Variants in GRAMD1B observed in about 807,000 individuals in gnomAD.
The protein encoded by GRAMD1B is protein Aster-B.
In GRAMD1B, 37 loss-of-function variants were observed where a neutral mutation model predicts 99.7. The observed-to-expected ratio is 0.37, with a 90% CI of 0.29 to 0.49. The LOEUF (loss-of-function observed/expected upper bound fraction) is 0.49, where lower values mean the gene tolerates loss of function less well. Ranked by LOEUF, GRAMD1B falls within the 20% of genes least tolerant of loss-of-function variation. GRAMD1B has a pLI of 0.98. For synonymous variants in GRAMD1B, 427 were observed against 387.6 expected (o/e 1.10, Z -1.19); for missense variants, 888 against 1,009.2 (o/e 0.88, Z 1.63).
intron 2 of GRAMD1B, among the ~76,000 whole-genome samples, chr11:123,543,340 T>C (rs1413557806): frequency 6.6e-6 from 1 of 152,190 alleles, no homozygotes; most frequent in East Asian, 1.9e-4. Flanking sequence ...CTTTCTGAGA[T>C]GTGTAGCTGT....
At position 123,402,313 on chromosome 11, in the gene GRAMD1B, G is replaced by A. The variant is rs150404215; in HGVS notation, c.-176+43514G>A. Among the ~76,000 whole-genome samples, 235 of 152,276 alleles carry A rather than the reference G, an allele frequency of 1.5e-3. 1 individual carries two copies. Among genetic ancestry groups the A allele is most frequent in the African/African-American group, 5.4e-3 (223 of 41,556 alleles). On this transcript the variant is annotated intron_variant, in intron 1 of 20. Coordinates refer to the GRAMD1B transcript ENST00000638157. ...ATTACAGGTACGAGCCACCACGCCC[G>A]GCCAAGGACCATGTTCTTGCATTCT... is the stretch of plus-strand genomic sequence containing the variant.
In GRAMD1B at chr11:123,492,804, T is replaced by C. The variant is rs550852852; in HGVS notation, c.452+11911T>C. On this transcript the variant is annotated intron_variant, in intron 2 of 19. Coordinates refer to ENST00000635736, the MANE Select transcript of GRAMD1B (RefSeq NM_001387025.1). This position sits in a 1 kb window ranked among gnomAD's most constrained non-coding sequence, Gnocchi z 4.2. ...ATGGATTTCAGAGGTAGGGAGAGGC[T>C]AGAGGCAGTAGGTGGCTTAACCTCA... 1.3e-5 allele frequency among the ~76,000 whole-genome samples: 2 copies of C among 151,524 alleles called. No homozygotes were observed. The highest frequency in any genetic ancestry group is 4.9e-5 in the African/African-American group (2 of 41,186).
intron 2 of GRAMD1B, among the ~76,000 whole-genome samples, chr11:123,506,396 T>TG (rs1188848732): frequency 2.0e-5 from 3 of 151,950 alleles, no homozygotes; most frequent in Admixed American, 2.0e-4. Flanking sequence ...GCATGTTTTT[T>TG]GTTTTTTTTT....
chr11:123,373,464 T>G (rs1168058467), intron 1 of GRAMD1B, among the ~76,000 whole-genome samples: 2 of 152,184 alleles, frequency 1.3e-5, no homozygotes, highest in African/African-American at 2.4e-5. Context: ...GTAGAAGTTC[T>G]CCCAAGTCAC....
At chr11:123,494,192 A>G (rs892010862) in intron 2 of GRAMD1B, among the ~76,000 whole-genome samples, 3 of 152,190 alleles carry the variant, frequency 2.0e-5, no homozygotes, top group African/African-American at 7.2e-5. Flanking sequence ...GAATAACCAT[A>G]TACGACTTTT....
At chr11:123,425,326 A>G (rs1351087600), upstream of GRAMD1B, among the ~76,000 whole-genome samples, 1 of 152,154 alleles carries the variant, frequency 6.6e-6, no homozygotes, top group Non-Finnish European at 1.5e-5. Context: ...TTTCCTTGGG[A>G]TGGGCAGCCA....
intron 1 of GRAMD1B, among the ~76,000 whole-genome samples, chr11:123,400,773 A>G (rs1947631819): frequency 6.6e-6 from 1 of 152,196 alleles, no homozygotes; most frequent in African/African-American, 2.4e-5. Context: ...ACAGGGAAAC[A>G]TAATATTCAG....
intron 1 of GRAMD1B, chr11:123,460,261 G>A (rs970915562): frequency 2.0e-5 from 3 of 152,236 alleles, no homozygotes; most frequent in African/African-American, 7.2e-5. Context: ...AAGACATGGA[G>A]TTTAATCCTG....
chr11:123,618,489 C>G (rs566430966), intron 17 of GRAMD1B: 6 of 872,122 alleles, frequency 6.9e-6, no homozygotes, highest in Non-Finnish European at 9.9e-6. Flanking sequence ...ATGCCCCTCT[C>G]CATGGCTCTC....
At chr11:123,519,978 G>T (rs936644164) in intron 2 of GRAMD1B, among the ~76,000 whole-genome samples, 8 of 152,240 alleles carry the variant, frequency 5.3e-5, no homozygotes, top group African/African-American at 1.9e-4. Context: ...ATGGCCCTGG[G>T]TGTCTGCAGG....
intron 5 of GRAMD1B, 128 bp from the exon 6 acceptor site, chr11:123,594,607 G>C: frequency 1.6e-6 from 1 of 644,056 alleles, no homozygotes; most frequent in Non-Finnish European, 2.8e-6. Context: ...CAAGTGTCTG[G>C]CACCCCTTGT....
At chr11:123,527,161 G>A (rs2846310) in intron 2 of GRAMD1B, among the ~76,000 whole-genome samples, 77,312 of 152,018 alleles carry the variant, frequency 0.51, 22,046 homozygotes, top group Non-Finnish European at 0.64. Context: ...CCTTCATTGC[G>A]GCTGGCTGTC....
rs1160382058 is a variant in GRAMD1B, at chr11:123,492,334, G to A, written c.452+11441G>A. On this transcript the variant is annotated intron_variant, in intron 2 of 19. Coordinates refer to ENST00000635736, the MANE Select transcript of GRAMD1B (RefSeq NM_001387025.1). This position sits in a 1 kb window ranked among gnomAD's most constrained non-coding sequence, Gnocchi z 4.2. The stretch of plus-strand genomic sequence containing the variant: ...ACAGGGGCGCTGGCGTCTCTGGGGT[G>A]TGGATCATTCTCTTCCACTTACAGA... Among the ~76,000 whole-genome samples the A allele has an allele frequency of 1.3e-5, 2 of 152,198 alleles. No individual in the cohort carries two copies. Among genetic ancestry groups the A allele is most frequent in the Admixed American group, 6.5e-5 (1 of 15,280 alleles).
intron 2 of GRAMD1B, among the ~76,000 whole-genome samples, chr11:123,523,275 T>C (rs1229106724): frequency 2.0e-5 from 3 of 152,178 alleles, no homozygotes; most frequent in Non-Finnish European, 4.4e-5. Flanking sequence ...GAGGTTGCAA[T>C]GAGCTGAGAT....
chr11:123,430,947 A>AT lies in GRAMD1B; in HGVS notation c.155_156insT (p.Gln52HisfsTer72). ...AAGATGCGCCGCATGAAGAACGTACAGGAGCAGAGCCTGGAGGCCGGGCTG... is the reference window on the plus strand; with the variant it reads ...AAGATGCGCCGCATGAAGAACGTACATGGAGCAGAGCCTGGAGGCCGGGCTG... On this transcript the variant is annotated frameshift_variant, in exon 1 of 20. Coordinates refer to ENST00000635736, the MANE Select transcript of GRAMD1B (RefSeq NM_001387025.1). 4.3e-6 allele frequency: 3 copies of AT among 702,804 alleles called. No homozygotes were observed. The highest frequency in any genetic ancestry group is 7.8e-6 in the Non-Finnish European group (3 of 384,874). 43.5% of individuals were successfully genotyped at this position (702,804 alleles called of 1,614,324 possible). A position where few individuals can be genotyped will look rare whatever the true frequency, so the allele number is the denominator to read the frequency against.
rs76892748 is a variant in GRAMD1B, at chr11:123,588,081, G to A, written c.684+3749G>A. Among the ~76,000 whole-genome samples, 449 of 146,604 alleles carry A rather than the reference G, an allele frequency of 3.1e-3. 5 individuals are homozygous for A. The highest frequency in any genetic ancestry group is 0.013 in the Admixed American group (183 of 14,412). On this transcript the variant is annotated intron_variant, in intron 4 of 19. Transcript: ENST00000635736. Reference sequence around the variant, plus strand: ...CCCTTTCCCTCCTTTGCTCAGTTACGTCCTCGTCTCCCGTCCCACTCTGCC... The same window carrying A: ...CCCTTTCCCTCCTTTGCTCAGTTACATCCTCGTCTCCCGTCCCACTCTGCC...
At chr11:123,368,275 A>AAAAAAAAAAAAAAAAAAAAAAAAAG (rs60644137) in intron 1 of GRAMD1B, among the ~76,000 whole-genome samples, 1 of 127,112 alleles carries the variant, frequency 7.9e-6, no homozygotes, top group African/African-American at 3.6e-5. Context: ...AAAAAAAAAA[A>AAAAAAAAAAAAAAAAAAAAAAAAAG]AAAGAAAGAA....
chr11:123,426,554 A>G (rs1198270478), upstream of GRAMD1B, among the ~76,000 whole-genome samples: 3 of 150,550 alleles, frequency 2.0e-5, no homozygotes, highest in East Asian at 5.8e-4. Flanking sequence ...TTCTATGCTC[A>G]CTGCCTGCTT....
At chr11:123,409,591 A>G (rs1161766994) in intron 1 of GRAMD1B, among the ~76,000 whole-genome samples, 2 of 152,118 alleles carry the variant, frequency 1.3e-5, no homozygotes, top group African/African-American at 2.4e-5. Context: ...TGGTTTTTAA[A>G]ATGTGCCCAC....
Sources: allele counts gnomAD v4.1 joint callset (sites outside exome capture counted in the v4.1 genomes callset), GRCh38; gene constraint gnomAD v4.1.1; non-coding constraint Gnocchi (gnomAD v3.1); transcripts MANE v1.5; gene names NCBI Gene and HGNC (gene_info 2026-07-23, HGNC 2026-07-21).